Variants in ITGA8 observed in about 807,000 individuals in gnomAD.
ITGA8 encodes the protein integrin alpha-8.
ITGA8 carries 91 observed loss-of-function variants against 142.3 expected under a neutral mutation model. The ratio of observed to expected loss-of-function variants is 0.64; its 90% CI spans 0.54 to 0.76. ITGA8 has a LOEUF of 0.76. Among genes scored for constraint, ITGA8 ranks in the 30% least tolerant of loss-of-function variants. The pLI is 0.00. For synonymous variants in ITGA8, 505 were observed against 485.2 expected (o/e 1.04, Z -0.54); for missense variants, 1,406 against 1,327.7 (o/e 1.06, Z -0.92).
At chr10:15,624,886 T>C (rs531867484) in intron 13 of ITGA8, among the ~76,000 whole-genome samples, 32 of 152,216 alleles carry the variant, frequency 2.1e-4, no homozygotes, top group Non-Finnish European at 3.8e-4. Context: ...CACTTGTGAG[T>C]GGGCTATGAA....
Position 15,517,131 on chromosome 10 carries a change from G to A in ITGA8, c.*27C>T, listed in dbSNP as rs1193918893. 2.0e-6 allele frequency: 3 copies of A among 1,530,644 alleles called. No homozygotes were observed. Among genetic ancestry groups the A allele is most frequent in the Non-Finnish European group, 1.8e-6 (2 of 1,109,460 alleles). The allele number at this position is 1,530,644 out of a possible 1,614,324, so 94.8% of individuals were successfully genotyped here. On this transcript the variant is annotated 3_prime_UTR_variant, in exon 30 of 30. Coordinates refer to ENST00000378076, the MANE Select transcript of ITGA8 (RefSeq NM_003638.3). ...TTCTTTGAACAGGACCAGTGTTTGA[G>A]GTCTTTGGTCTTCTTTTTTTTTCTT...
rs1287480249 is a variant in ITGA8 at position 15,531,067 on chromosome 10, G to A, written c.2965C>T (p.Pro989Ser). 3 of 1,555,630 alleles carry A rather than the reference G, an allele frequency of 1.9e-6. No individual in the cohort carries two copies. The highest frequency in any genetic ancestry group is 1.9e-5 in the Admixed American group (1 of 53,568). Residue 989 changes from proline to serine, a missense_variant, in exon 28 of 30, where the codon CCA (proline) becomes TCA (serine). Coordinates refer to ENST00000378076, the MANE Select transcript of ITGA8 (RefSeq NM_003638.3). ...MPYTDQPAKL[P>S]EGSIVIKTSV... ...ATACTCACTACTATGCTTCCTTCTGGGAGTTTTGCTGGCTGATCTGTATAA... is the reference window on the plus strand; with the variant it reads ...ATACTCACTACTATGCTTCCTTCTGAGAGTTTTGCTGGCTGATCTGTATAA...
intron 2 of ITGA8, among the ~76,000 whole-genome samples, chr10:15,700,710 C>T (rs1490547616): frequency 6.6e-6 from 1 of 152,056 alleles, no homozygotes; most frequent in Non-Finnish European, 1.5e-5. Context: ...AGAACTCGAA[C>T]AAATCAGCAA....
intron 22 of ITGA8, among the ~76,000 whole-genome samples, chr10:15,587,056 G>A (rs1366258885): frequency 6.6e-6 from 1 of 151,946 alleles, no homozygotes; most frequent in Middle Eastern, 3.2e-3. Flanking sequence ...CCAAGTAGCT[G>A]AGACTACAGG....
At chr10:15,620,408 C>T (rs1198754714) in intron 13 of ITGA8, among the ~76,000 whole-genome samples, 1 of 152,144 alleles carries the variant, frequency 6.6e-6, no homozygotes, top group African/African-American at 2.4e-5. Flanking sequence ...ATTTGAGGGA[C>T]ACCCTCCCAA....
Position 15,608,267 on chromosome 10 carries a change from G to C in ITGA8, c.1577C>G (p.Ser526Cys). 6.3e-7 allele frequency: 1 copy of C among 1,596,412 alleles called. No individual in the cohort carries two copies. The highest frequency in any genetic ancestry group is 8.5e-7 in the Non-Finnish European group (1 of 1,172,590). Residue 526 changes from serine to cysteine, a missense_variant, in exon 16 of 30, where the codon TCT becomes TGT. Ser to Cys is a moderately radical substitution (Grantham distance 112). Transcript: ENST00000378076. ...AACFSLRVCA[S>C]VTGQSIANTI... is the part of the protein sequence containing the mutation. ...GTTTGCAATGCTCTGGCCTGTGACA[G>C]ATGCACATACTCTTAAAGAAAAGCT...
intron 25 of ITGA8, among the ~76,000 whole-genome samples, chr10:15,566,150 G>A (rs1335456096): frequency 2.0e-5 from 3 of 152,170 alleles, no homozygotes; most frequent in African/African-American, 7.2e-5. Flanking sequence ...AAGAACGGAC[G>A]GTTTCTGTGT....
chr10:15,695,568 T>C (rs1022465410), intron 2 of ITGA8, among the ~76,000 whole-genome samples: 14 of 152,210 alleles, frequency 9.2e-5, no homozygotes, highest in African/African-American at 3.4e-4. Flanking sequence ...ATGGAGGATG[T>C]TTTTGATTTA....
rs140312772 is a variant in ITGA8 at position 15,606,271 on chromosome 10, T to G, written c.1902+14A>C. 1.1e-5 allele frequency: 17 copies of G among 1,585,642 alleles called. No homozygotes were observed. In the East Asian group the frequency reaches 3.2e-4, roughly 30 times the overall value. Reference sequence around the variant, plus strand: ...TGCTTGAGAAAATGCCGTCAAAGACTGTGAAGGACTTACCTGTTCACTAAC... The same window carrying G: ...TGCTTGAGAAAATGCCGTCAAAGACGGTGAAGGACTTACCTGTTCACTAAC... On this transcript the variant is annotated intron_variant, in intron 18 of 29. Transcript: ENST00000378076.
chr10:15,606,853 C>T (rs146850807), intron 17 of ITGA8, among the ~76,000 whole-genome samples: 2 of 152,168 alleles, frequency 1.3e-5, no homozygotes, highest in African/African-American at 2.4e-5. Flanking sequence ...TTCTCTTCCT[C>T]TCATCATCTT....
At chr10:15,683,126 C>T (rs1447237977) in intron 4 of ITGA8, among the ~76,000 whole-genome samples, 1 of 152,186 alleles carries the variant, frequency 6.6e-6, no homozygotes, top group Admixed American at 6.5e-5. Context: ...CTTCTTTCTA[C>T]TACATTTTCC....
chr10:15,561,006 G>A (rs1267902720), intron 25 of ITGA8, among the ~76,000 whole-genome samples: 1 of 151,840 alleles, frequency 6.6e-6, no homozygotes, highest in Non-Finnish European at 1.5e-5. Flanking sequence ...TGATCCTCCT[G>A]CTTTAGCCTC....
At position 15,572,301 on chromosome 10, in the gene ITGA8, C is replaced by T. The variant is rs1346503874; in HGVS notation, c.2547G>A (p.Arg849=). ...ILEVGWPFSA[R]DEFLLYIFHI... ...GGAAAATATAGAGAAGAAATTCATCCCGGGCAGAGAAAGGCCAGCCCACCT... is the reference window on the plus strand; with the variant it reads ...GGAAAATATAGAGAAGAAATTCATCTCGGGCAGAGAAAGGCCAGCCCACCT... Residue 849 remains arginine, a synonymous_variant, in exon 25 of 30, where the codon CGG becomes CGA. Transcript: ENST00000378076. 6.2e-7 allele frequency: 1 copy of T among 1,613,848 alleles called. No individual in the cohort carries two copies. The highest frequency in any genetic ancestry group is 8.5e-7 in the Non-Finnish European group (1 of 1,179,870).
At chr10:15,698,456 ATCT>A (rs1328513195) in intron 2 of ITGA8, among the ~76,000 whole-genome samples, 1 of 152,058 alleles carries the variant, frequency 6.6e-6, no homozygotes, top group African/African-American at 2.4e-5. Context: ...CAAATGGTAG[ATCT>A]TCTTTTATTT....
At chr10:15,648,500 A>G (rs1039979766) in intron 11 of ITGA8, among the ~76,000 whole-genome samples, 118 of 150,194 alleles carry the variant, frequency 7.9e-4, no homozygotes, top group African/African-American at 2.7e-3. Flanking sequence ...ACAATACTAT[A>G]TTAATATACA....
intron 11 of ITGA8, 82 bp downstream of exon 11, chr10:15,655,272 G>T: frequency 1.1e-6 from 1 of 913,398 alleles, no homozygotes; most frequent in South Asian, 1.6e-5. Flanking sequence ...CAATAAGGAA[G>T]GGTGTATTTT....
intron 26 of ITGA8, among the ~76,000 whole-genome samples, chr10:15,554,783 TCA>T (rs1298032141): frequency 7.9e-5 from 12 of 151,808 alleles, no homozygotes; most frequent in Non-Finnish European, 1.3e-4. Flanking sequence ...TTTAATTGAC[TCA>T]CAGTTCCACA....
intron 11 of ITGA8, among the ~76,000 whole-genome samples, chr10:15,652,806 C>T (rs557997893): frequency 6.6e-6 from 1 of 152,268 alleles, no homozygotes; most frequent in African/African-American, 2.4e-5. Flanking sequence ...AGAGTCATTC[C>T]ACTGCCCTCC....
At chr10:15,562,688 T>C (rs1834005539) in intron 25 of ITGA8, among the ~76,000 whole-genome samples, 1 of 152,114 alleles carries the variant, frequency 6.6e-6, no homozygotes, top group East Asian at 1.9e-4. Context: ...GCAGGGTAGC[T>C]TGAGGTGTTG....
Sources: gnomAD v4.1 joint callset for allele counts (sites outside exome capture counted in the v4.1 genomes callset) on GRCh38, gnomAD v4.1.1 for gene constraint, MANE v1.5 for transcripts, NCBI Gene and HGNC (gene_info 2026-07-23, HGNC 2026-07-21) for gene names.